Variants in ENOX2 observed in about 807,000 individuals in gnomAD.
ENOX2 encodes APK1 antigen.
Under a neutral mutation model 45.0 loss-of-function variants are expected in ENOX2, and 36 were observed. That is an observed-to-expected ratio of 0.80 (90% CI 0.61 to 1.06). The LOEUF is 1.06. Ranked by LOEUF, ENOX2 falls within the 50% of genes least tolerant of loss-of-function variation. The probability of loss-of-function intolerance (pLI) is 0.00; values close to 1 mark genes in which losing one functional copy is unlikely to be tolerated. For missense variants in ENOX2, 423 were observed against 462.5 expected, an observed-to-expected ratio of 0.91 and a Z score of 0.78; for synonymous variants, 174 against 152.3, an observed-to-expected ratio of 1.14 and a Z score of -1.05.
rs181904412 is a variant in ENOX2 at position 130,722,445 on chromosome X, A to G, written c.-38-19191T>C. ...TCCTAGAAATGGTGATGTATTGTAT[A>G]TACACATGGAATGTCTGCAGCTGCT... On this transcript the variant is annotated intron_variant, in intron 3 of 14. Coordinates refer to ENST00000394363, the MANE Select transcript of ENOX2 (RefSeq NM_006375.4). Among the ~76,000 whole-genome samples, 232 of 112,242 alleles carry G rather than the reference A, an allele frequency of 2.1e-3. 3 individuals are homozygous for G. Among genetic ancestry groups the G allele is most frequent in the African/African-American group, 7.0e-3 (217 of 30,890 alleles).
At chrX:130,772,114 G>A (rs1444277752) in intron 3 of ENOX2, among the ~76,000 whole-genome samples, 5 of 112,231 alleles carry the variant, frequency 4.5e-5, no homozygotes, top group Non-Finnish European at 9.4e-5. Flanking sequence ...CTGGCTGTTT[G>A]ACAGGAGGGC....
Position 130,688,968 on chromosome X carries a change from T to C in ENOX2, c.148A>G (p.Met50Val), listed in dbSNP as rs149170162. The change falls in exon 5 of 15, where the codon ATG becomes GTG. Residue 50 changes from methionine (M) to valine (V), a missense_variant. Physicochemically the swap from Met to Val is conservative, Grantham distance 21. This residue lies in a region of ENOX2 where 261 missense variants were observed against 306.8 expected (regional missense o/e 0.85). Transcript: ENST00000394363. Reference sequence around the variant, plus strand: ...GGTACTATTCCCAAACCAGGCATCATTGGAGTTATTGGTGGAATTCCAGTC... The same window carrying C: ...GGTACTATTCCCAAACCAGGCATCACTGGAGTTATTGGTGGAATTCCAGTC... ...MMTGIPPITPMMPGLGIVPPP... is the reference protein window; with the variant it reads ...MMTGIPPITPVMPGLGIVPPP... 1.5e-4 allele frequency: 183 copies of C among 1,203,145 alleles called. No individual in the cohort carries two copies. The highest frequency in any genetic ancestry group is 1.9e-4 in the Non-Finnish European group (171 of 889,462).
rs5975226 is a variant in ENOX2 at position 130,740,519 on chromosome X, T to C, written c.-38-37265A>G. Among the ~76,000 whole-genome samples, 750 of 111,617 alleles carry C rather than the reference T, an allele frequency of 6.7e-3. 9 individuals are homozygous for C. The highest frequency in any genetic ancestry group is 0.023 in the African/African-American group (705 of 30,682). ...AAGAGAGAAGTCAGTGAGGGAAACA[T>C]TCATGGAAGAAATGGAATTAAGCAT... On this transcript the variant is annotated intron_variant, in intron 3 of 14. Coordinates refer to ENST00000394363, the MANE Select transcript of ENOX2 (RefSeq NM_006375.4).
rs201000646 is a variant in ENOX2 at position 130,667,620 on chromosome X, G to A, written c.817C>T (p.Arg273Cys). The change falls in exon 8 of 15, where the codon CGC (arginine) becomes TGC (cysteine). Residue 273 changes from arginine to cysteine, a missense_variant. Coordinates refer to ENST00000394363, the MANE Select transcript of ENOX2 (RefSeq NM_006375.4). ...MIQSANSHVR[R>C]LVNEKAAHEK... ...TGGGCAGCTTTCTCGTTCACCAGGC[G>A]GCGGACATGGCTGTTGGCCGACTGG... is the stretch of plus-strand genomic sequence containing the variant. The A allele has an allele frequency of 1.5e-5, 18 of 1,209,616 alleles. No individual in the cohort carries two copies. The highest frequency in any genetic ancestry group is 5.2e-5 in the African/African-American group (3 of 57,198).
At chrX:130,750,854 T>G (rs2039202932) in intron 3 of ENOX2, among the ~76,000 whole-genome samples, 1 of 111,618 alleles carries the variant, frequency 9.0e-6, no homozygotes, top group Admixed American at 9.6e-5. Context: ...CTACCTGTTC[T>G]GTCTCTTTGT....
At chrX:130,877,165 G>C (rs2148565064) in intron 2 of ENOX2, among the ~76,000 whole-genome samples, 1 of 111,480 alleles carries the variant, frequency 9.0e-6, no homozygotes, top group South Asian at 3.8e-4. Context: ...TCCCACTAGA[G>C]TCATAAGTCC....
At chrX:130,645,731 C>A (rs1197302914) in intron 10 of ENOX2, 13 of 775,247 alleles carry the variant, frequency 1.7e-5, no homozygotes, top group Non-Finnish European at 2.3e-5. Context: ...GGATGGTGAA[C>A]CTAGCAGCCA....
chrX:130,894,577 T>C (rs1452386292), intron 2 of ENOX2, among the ~76,000 whole-genome samples: 1 of 108,942 alleles, frequency 9.2e-6, no homozygotes, highest in Admixed American at 9.7e-5. Flanking sequence ...AAAATAAAAA[T>C]AATAAAAAAA....
intron 3 of ENOX2, among the ~76,000 whole-genome samples, chrX:130,703,517 T>G (rs2037959298): frequency 9.3e-6 from 1 of 107,328 alleles, no homozygotes; most frequent in South Asian, 3.9e-4. Flanking sequence ...CTTCCTTCTC[T>G]CTCTCTCTCT....
intron 10 of ENOX2, among the ~76,000 whole-genome samples, chrX:130,649,043 CA>C (rs35154919): frequency 0.026 from 175 of 6,768 alleles, no homozygotes; most frequent in African/African-American, 0.046. Context: ...GACTCCATAT[CA>C]AAAAAAAAAA....
intron 6 of ENOX2, among the ~76,000 whole-genome samples, chrX:130,672,996 A>AG (rs1315859029): frequency 8.9e-6 from 1 of 112,034 alleles, no homozygotes; most frequent in Non-Finnish European, 1.9e-5. Context: ...GAAAGAACAG[A>AG]GAGCACCTCA....
intron 3 of ENOX2, among the ~76,000 whole-genome samples, chrX:130,715,747 C>A (rs973449998): frequency 3.2e-4 from 36 of 111,221 alleles, no homozygotes; most frequent in African/African-American, 8.8e-4. Flanking sequence ...GAGTTCTAGT[C>A]CTGGCCCAAC....
chrX:130,688,758 C>T (rs2148180512), intron 5 of ENOX2, 105 bp downstream of exon 5: 6 of 685,027 alleles, frequency 8.8e-6, no homozygotes, highest in Middle Eastern at 4.9e-4. Flanking sequence ...GTGAAGCTTT[C>T]GTACAAACAT....
At chrX:130,823,793 C>A (rs1412745928) in intron 2 of ENOX2, among the ~76,000 whole-genome samples, 1 of 110,933 alleles carries the variant, frequency 9.0e-6, no homozygotes, top group East Asian at 2.8e-4. Context: ...CTTCTCTTAG[C>A]TTATGTCTTC....
chrX:130,746,544 G>A (rs1467278198), intron 3 of ENOX2, among the ~76,000 whole-genome samples: 1 of 111,673 alleles, frequency 9.0e-6, no homozygotes, highest in Non-Finnish European at 1.9e-5. Context: ...GCCTTAATTA[G>A]TACTGCTTTT....
intron 2 of ENOX2, among the ~76,000 whole-genome samples, chrX:130,796,085 G>A (rs2077120938): frequency 9.0e-6 from 1 of 110,684 alleles, no homozygotes; most frequent in Admixed American, 9.7e-5. Context: ...CTGAAGGTGA[G>A]AAGACACCAG....
chrX:130,634,615 G>A (rs1055977062), intron 12 of ENOX2, among the ~76,000 whole-genome samples: 2 of 111,824 alleles, frequency 1.8e-5, no homozygotes, highest in Non-Finnish European at 3.8e-5. Flanking sequence ...TTCCTTTAAT[G>A]AAATGCTCAA....
chrX:130,833,542 T>C, intron 2 of ENOX2, among the ~76,000 whole-genome samples: 1 of 111,494 alleles, frequency 9.0e-6, no homozygotes, highest in South Asian at 3.8e-4. Flanking sequence ...GAACAGCAAC[T>C]GCCATAGGCT....
In ENOX2 at chrX:130,667,887, T is replaced by G. The variant is rs1340720456; in HGVS notation, c.695-145A>C. 6.8e-6 allele frequency: 3 copies of G among 442,919 alleles called. No individual in the cohort carries two copies. The Admixed American group carries it at 1.2e-4, about 17-fold the overall frequency. 36.5% of individuals were successfully genotyped at this position (442,919 alleles called of 1,213,427 possible). A position where few individuals can be genotyped will look rare whatever the true frequency, so the allele number is the denominator to read the frequency against. ...ATGAGGAGCCACACATACACACATG[T>G]GCACACACAGGCAGTAGGCAGGCAG... On this transcript the variant is annotated intron_variant, in intron 7 of 14. Coordinates refer to ENST00000394363, the MANE Select transcript of ENOX2 (RefSeq NM_006375.4).
Sources: gnomAD v4.1 joint callset for allele counts (sites outside exome capture counted in the v4.1 genomes callset) on GRCh38, gnomAD v4.1.1 for gene constraint, gnomAD v4.1.1 regional missense constraint, MANE v1.5 for transcripts, NCBI Gene and HGNC (gene_info 2026-07-23, HGNC 2026-07-21) for gene names.